RC3H1: variants seen among roughly 807,000 people sequenced by gnomAD.
The protein encoded by RC3H1 is roquin-1.
A neutral mutation model predicts 138.2 loss-of-function variants in RC3H1; 50 were observed. The ratio of observed to expected loss-of-function variants is 0.36; its 90% CI spans 0.29 to 0.46. The LOEUF is 0.46. RC3H1 is among the 20% of genes least tolerant of loss of function. The pLI is 1.00. For missense variants in RC3H1, 1,031 were observed against 1,388.1 expected (o/e 0.74, Z 4.09); for synonymous variants, 462 against 489.1 (o/e 0.94, Z 0.73).
chr1:173,960,933 T>TG, intron 13 of RC3H1, 144 bp downstream of exon 13: 2 of 737,056 alleles, frequency 2.7e-6, no homozygotes, highest in South Asian at 3.9e-5. Flanking sequence ...CAGTTCTAGA[T>TG]GGATTGTAGA....
chr1:173,957,337 C>T (rs910981037), intron 13 of RC3H1, among the ~76,000 whole-genome samples: 1 of 152,206 alleles, frequency 6.6e-6, no homozygotes, highest in Admixed American at 6.5e-5. Flanking sequence ...AAGAAACGTG[C>T]ACCTCAGGAT....
chr1:173,956,130 C>CAAA (rs552947734), intron 13 of RC3H1, among the ~76,000 whole-genome samples: 8 of 86,358 alleles, frequency 9.3e-5, no homozygotes, highest in Admixed American at 8.3e-4. Context: ...GAGTCTGTCT[C>CAAA]AAAAAAAAAA....
rs1336903456 is a variant in RC3H1, at chr1:174,022,146, CGCCACCGCCGCGGCA to C, written c.-216_-202del. ...CTCAGCTCCGAGTCCCCGCGGCCGT[CGCCACCGCCGCGGCA>C]GCCGCCGCCGCCGCCGAGGCCACCG... On this transcript the variant is annotated 5_prime_UTR_variant, in exon 1 of 20. Transcript: ENST00000367696. The surrounding 1 kb of genome is among the most constrained non-coding windows in gnomAD (Gnocchi z 4.2). The C allele has an allele frequency of 5.0e-6, 2 of 396,086 alleles. No individual in the cohort carries two copies. The highest frequency in any genetic ancestry group is 4.4e-6 in the Non-Finnish European group (1 of 224,840). 24.5% of individuals were successfully genotyped at this position (396,086 alleles called of 1,614,324 possible).
chr1:173,941,115 G>A (rs972120918), intron 19 of RC3H1, 150 bp downstream of exon 19: 19 of 599,128 alleles, frequency 3.2e-5, no homozygotes, highest in Admixed American at 6.4e-5. Context: ...CACTGCGCCC[G>A]GCCGCAAAAA....
Position 173,992,891 on chromosome 1 carries a change from C to A in RC3H1, c.95G>T (p.Gly32Val). Residue 32 changes from glycine (G) to valine (V), a missense_variant, in exon 2 of 20, where the codon GGT becomes GTT. By Grantham distance (109) the Gly-to-Val change is moderately radical. Around this residue, in one of 7 missense-constraint regions of RC3H1, gnomAD observed 35 missense variants for 69.4 expected, o/e 0.50. Transcript: ENST00000367696. ...CATCTTGCAGACAGTATGGCCACAA[C>A]CCAAACTGATGGGCTTTCGAATTGT... Reference protein sequence around the residue: ...DETIRKPISLGCGHTVCKMCL... With the variant: ...DETIRKPISLVCGHTVCKMCL... 1 of 1,614,080 alleles carries A rather than the reference C, an allele frequency of 6.2e-7. No individual in the cohort carries two copies.
chr1:174,012,793 AAAAAGAAAAG>A (rs199504710), intron 1 of RC3H1, among the ~76,000 whole-genome samples: 3 of 150,872 alleles, frequency 2.0e-5, no homozygotes, highest in Non-Finnish European at 4.4e-5. Context: ...TCAAAAAAAA[AAAAAGAAAAG>A]AAAAGAAAAG....
At chr1:173,982,635 C>T in intron 5 of RC3H1, 92 bp downstream of exon 5, 2 of 1,130,468 alleles carry the variant, frequency 1.8e-6, no homozygotes, top group Non-Finnish European at 2.5e-6. Flanking sequence ...TGAAAAGATA[C>T]AGGCAACTTT....
rs1658429355 is a variant in RC3H1, at chr1:173,932,657, G to A, written c.*6064C>T. On this transcript the variant is annotated 3_prime_UTR_variant, in exon 20 of 20. Transcript: ENST00000367696. ...AAATAACTCTCAAGACAGTGTCTTA[G>A]TTGAATAGAGGATGTAAAAACGATA... 1 of 152,116 alleles carries A rather than the reference G, an allele frequency of 6.6e-6. No individual in the cohort carries two copies. Among genetic ancestry groups the A allele is most frequent in the Non-Finnish European group, 1.5e-5 (1 of 67,992 alleles). 9.4% of individuals were successfully genotyped at this position (152,116 alleles called of 1,614,324 possible).
At chr1:173,955,555 AT>A (rs1292671292) in intron 13 of RC3H1, among the ~76,000 whole-genome samples, 2 of 151,638 alleles carry the variant, frequency 1.3e-5, no homozygotes, top group African/African-American at 4.8e-5. Flanking sequence ...TCCTGACCTC[AT>A]GATCTGCCCA....
intron 13 of RC3H1, among the ~76,000 whole-genome samples, chr1:173,953,870 C>T (rs978606221): frequency 5.3e-5 from 8 of 152,060 alleles, no homozygotes; most frequent in African/African-American, 1.9e-4. Context: ...GAAACCCTAT[C>T]TCTACTAAAA....
chr1:174,001,344 T>C (rs1661561752), intron 1 of RC3H1, among the ~76,000 whole-genome samples: 2 of 152,182 alleles, frequency 1.3e-5, no homozygotes, highest in Admixed American at 6.5e-5. Flanking sequence ...AGGTTCAAGT[T>C]ATGCATTATA....
chr1:173,983,348 A>G (rs977377513), intron 4 of RC3H1, 70 bp downstream of exon 4: 6 of 1,554,132 alleles, frequency 3.9e-6, no homozygotes, highest in Non-Finnish European at 4.4e-6. Flanking sequence ...GGCTTTGTAC[A>G]TCACTTATAA....
At chr1:173,959,024 T>C (rs915348772) in intron 13 of RC3H1, among the ~76,000 whole-genome samples, 4 of 152,154 alleles carry the variant, frequency 2.6e-5, no homozygotes, top group African/African-American at 9.7e-5. Context: ...ATGATAATGG[T>C]AAATTATTAT....
In RC3H1 at chr1:173,946,736, T is replaced by G. The variant is rs751023415; in HGVS notation, c.2828+10A>C. 6.2e-7 allele frequency: 1 copy of G among 1,610,364 alleles called. No individual in the cohort carries two copies. The highest frequency in any genetic ancestry group is 8.5e-7 in the Non-Finnish European group (1 of 1,177,140). ...TACATGTTTGTTCAAGTAAAAAGAA[T>G]GACTCATACCTCTCACTGAAGTGTC... On this transcript the variant is annotated intron_variant, in intron 16 of 19. Coordinates refer to ENST00000367696, the MANE Select transcript of RC3H1 (RefSeq NM_172071.4).
At chr1:173,985,978 T>G (rs1056346606) in intron 2 of RC3H1, among the ~76,000 whole-genome samples, 1 of 152,248 alleles carries the variant, frequency 6.6e-6, no homozygotes, top group African/African-American at 2.4e-5. Context: ...ATGGCAAAGA[T>G]AGTACACAGA....
chr1:173,994,664 C>G (rs1482843104), intron 1 of RC3H1, among the ~76,000 whole-genome samples: 1 of 151,238 alleles, frequency 6.6e-6, no homozygotes, highest in East Asian at 2.0e-4. Flanking sequence ...GTGGCATGCA[C>G]CTGTGGTCCC....
At chr1:174,018,384 A>G (rs1015461000) in intron 1 of RC3H1, among the ~76,000 whole-genome samples, 4 of 152,206 alleles carry the variant, frequency 2.6e-5, no homozygotes, top group Non-Finnish European at 5.9e-5. Context: ...ATAAGTAAAC[A>G]GGCACAATCC....
chr1:173,976,308 G>T (rs941541439), intron 7 of RC3H1, among the ~76,000 whole-genome samples: 2 of 151,694 alleles, frequency 1.3e-5, no homozygotes, highest in African/African-American at 2.4e-5. Context: ...AGAATAATAA[G>T]AATAATAAAT....
intron 1 of RC3H1, among the ~76,000 whole-genome samples, chr1:174,017,817 C>A (rs1009596341): frequency 1.4e-4 from 15 of 110,528 alleles, no homozygotes; most frequent in African/African-American, 1.9e-4. Flanking sequence ...AAAACTGCTA[C>A]CATGTTCAAA....
Sources: gnomAD v4.1 joint callset for allele counts (sites outside exome capture counted in the v4.1 genomes callset) on GRCh38, gnomAD v4.1.1 for gene constraint, gnomAD v4.1.1 regional missense constraint, Gnocchi (gnomAD v3.1) non-coding constraint, MANE v1.5 for transcripts, NCBI Gene and HGNC (gene_info 2026-07-23, HGNC 2026-07-21) for gene names.